FKBP9: variants seen among roughly 807,000 people sequenced by gnomAD.
The protein encoded by FKBP9 is peptidyl-prolyl cis-trans isomerase FKBP9.
FKBP9 carries 27 observed loss-of-function variants against 55.6 expected under a neutral mutation model. That is an observed-to-expected ratio of 0.49 (90% confidence interval 0.36 to 0.67). FKBP9 has a LOEUF of 0.67. Among genes scored for constraint, FKBP9 ranks in the 30% least tolerant of loss-of-function variants. FKBP9 has a pLI of 0.00. For synonymous variants in FKBP9, 267 were observed against 296.5 expected (o/e 0.90, Z 1.02); for missense variants, 539 against 742.8 (o/e 0.73, Z 3.19).
chr7:32,971,448 CCTTTCTTCCTTT>C (rs1042929730), intron 1 of FKBP9, among the ~76,000 whole-genome samples: 10 of 152,046 alleles, frequency 6.6e-5, no homozygotes, highest in Admixed American at 2.0e-4. Context: ...TTTCTTTCTT[CCTTTCTTCCTTT>C]CTTTCTTCCT....
At chr7:32,963,357 C>T (rs1202618790) in intron 1 of FKBP9, among the ~76,000 whole-genome samples, 5 of 151,746 alleles carry the variant, frequency 3.3e-5, no homozygotes, top group African/African-American at 1.2e-4. Context: ...TTTTTCATCC[C>T]ATGGATTCAA....
At chr7:32,970,036 GT>G (rs537430761) in intron 1 of FKBP9, among the ~76,000 whole-genome samples, 2,551 of 146,920 alleles carry the variant, frequency 0.017, 43 homozygotes, top group South Asian at 0.027. Flanking sequence ...TTTTAGTTTA[GT>G]TTTTTTTTTT....
In FKBP9 at chr7:32,974,671, A is replaced by G; in HGVS notation, c.276A>G (p.Thr92=). Residue 92 remains threonine (T), a synonymous_variant, in exon 2 of 10, where the codon ACA becomes ACG. Transcript: ENST00000242209. ...NVFVGKGQLI[T]GMDQALVGMC... The stretch of plus-strand genomic sequence containing the variant: ...TTGTGGGAAAAGGACAGCTGATCAC[A>G]GGGATGGACCAGGCTCTTGTTGGGA... 1 of 1,613,954 alleles carries G rather than the reference A, an allele frequency of 6.2e-7. No homozygotes were observed. Among genetic ancestry groups the G allele is most frequent in the Non-Finnish European group, 8.5e-7 (1 of 1,179,814 alleles).
In FKBP9 at chr7:33,005,122, C is replaced by T. The variant is rs554348876; in HGVS notation, c.1537-53C>T. On this transcript the variant is annotated intron_variant, in intron 9 of 9. Coordinates refer to ENST00000242209, the MANE Select transcript of FKBP9 (RefSeq NM_007270.5). The stretch of plus-strand genomic sequence containing the variant: ...GACTGCTCTGTTTCTGGCCCCAGGC[C>T]TGGCGTTCATGGCGGCTGAACTCAT... 130 of 1,589,856 alleles carry T rather than the reference C, an allele frequency of 8.2e-5. 2 individuals are homozygous for T. The South Asian group carries it at 1.5e-3, about 18-fold the overall frequency.
intron 2 of FKBP9, 108 bp downstream of exon 2, chr7:32,974,870 A>C: frequency 9.1e-7 from 1 of 1,093,140 alleles, no homozygotes; most frequent in South Asian, 1.6e-5. Flanking sequence ...AGATTGGGGG[A>C]AAATGAAAAG....
chr7:32,967,303 A>G (rs992426787), intron 1 of FKBP9, among the ~76,000 whole-genome samples: 3 of 152,208 alleles, frequency 2.0e-5, no homozygotes, highest in African/African-American at 7.2e-5. Flanking sequence ...CTATATTCAC[A>G]CTGTTGTGCA....
chr7:32,987,347 T>C (rs773838607), intron 5 of FKBP9, among the ~76,000 whole-genome samples: 8 of 151,686 alleles, frequency 5.3e-5, no homozygotes, highest in Non-Finnish European at 7.4e-5. Context: ...AATACAAAAA[T>C]GAGCCAGGCA....
chr7:32,990,896 G>T (rs1342608447), intron 6 of FKBP9, among the ~76,000 whole-genome samples: 2 of 150,944 alleles, frequency 1.3e-5, no homozygotes, highest in Non-Finnish European at 3.0e-5. Context: ...CGTCAAGTTG[G>T]TTGGAAGGTA....
At chr7:32,995,885 A>AAT (rs1341732814) in intron 6 of FKBP9, among the ~76,000 whole-genome samples, 4 of 152,186 alleles carry the variant, frequency 2.6e-5, no homozygotes, top group Non-Finnish European at 4.4e-5. Context: ...TCCATGGGGC[A>AAT]ATAGTCCATA....
chr7:32,980,437 C>A lies in FKBP9; in HGVS notation c.777C>A (p.Ser259Arg), dbSNP rs770966331. The A allele has an allele frequency of 1.9e-6, 3 of 1,613,782 alleles. No homozygotes were observed. The highest frequency in any genetic ancestry group is 1.3e-5 in the African/African-American group (1 of 74,980). Reference sequence around the variant, plus strand: ...TGGACCTCCATAACCCCAAGGACAGCATTTCCATTGAGAACAAGGTAGTAC... The same window carrying A: ...TGGACCTCCATAACCCCAAGGACAGAATTTCCATTGAGAACAAGGTAGTAC... ...ALLDLHNPKD[S>R]ISIENKVVPE... is the part of the protein sequence containing the mutation. Residue 259 changes from serine to arginine, a missense_variant, in exon 5 of 10, where the codon AGC becomes AGA. By Grantham distance (110) the Ser-to-Arg change is moderately radical. Around this residue, in one of 4 missense-constraint regions of FKBP9, gnomAD observed 172 missense variants for 205.3 expected, o/e 0.84. Coordinates refer to ENST00000242209, the MANE Select transcript of FKBP9 (RefSeq NM_007270.5).
At chr7:32,988,452 A>G (rs1166053770) in intron 5 of FKBP9, 55 bp from the exon 6 acceptor site, 1 of 1,591,490 alleles carries the variant, frequency 6.3e-7, no homozygotes, top group Non-Finnish European at 8.6e-7. Flanking sequence ...TAATTTGCAC[A>G]GCTGCTGTGG....
intron 9 of FKBP9, 26 bp from the exon 10 acceptor site, chr7:33,005,149 G>A (rs776170366): frequency 3.1e-6 from 5 of 1,607,462 alleles, no homozygotes; most frequent in Admixed American, 1.7e-5. Flanking sequence ...TGAACTCATG[G>A]TCTTTCCTGT....
chr7:33,005,408 C>G lies in FKBP9; in HGVS notation c.*57C>G. On this transcript the variant is annotated 3_prime_UTR_variant, in exon 10 of 10. Coordinates refer to ENST00000242209, the MANE Select transcript of FKBP9 (RefSeq NM_007270.5). ...ACGTGACACCAAGCCACCTGTGTGG[C>G]AAGACGTGCAGTGAGGGTGCAAGGG... 1 of 1,593,118 alleles carries G rather than the reference C, an allele frequency of 6.3e-7. No homozygotes were observed. Among genetic ancestry groups the G allele is most frequent in the South Asian group, 1.1e-5 (1 of 88,252 alleles).
intron 1 of FKBP9, among the ~76,000 whole-genome samples, chr7:32,964,278 T>C (rs867860013): frequency 3.3e-5 from 5 of 152,228 alleles, no homozygotes; most frequent in Middle Eastern, 3.2e-3. Context: ...TGAATTTTCA[T>C]TTGTGGGTCA....
In FKBP9 at chr7:32,975,369, G is replaced by A. The variant is rs140177604; in HGVS notation, c.555G>A (p.Ser185=). 1,291 of 1,613,274 alleles carry A rather than the reference G, an allele frequency of 8.0e-4. 1 individual carries two copies. Among genetic ancestry groups the A allele is most frequent in the Non-Finnish European group, 9.3e-4 (1,102 of 1,179,280 alleles). The part of the protein sequence containing the change: ...GTFLDGTLFD[S]SHNRMKTYDT... ...TCCTGGACGGAACTCTGTTTGATTCGAGGTAAGTCCTGTCGTTCATGGCAG... is the reference window on the plus strand; with the variant it reads ...TCCTGGACGGAACTCTGTTTGATTCAAGGTAAGTCCTGTCGTTCATGGCAG... Residue 185 remains serine (S), a splice_region_variant and synonymous_variant, in exon 3 of 10, where the codon TCG becomes TCA. Coordinates refer to ENST00000242209, the MANE Select transcript of FKBP9 (RefSeq NM_007270.5).
intron 1 of FKBP9, among the ~76,000 whole-genome samples, chr7:32,960,542 A>G (rs577700034): frequency 1.5e-4 from 23 of 152,310 alleles, no homozygotes; most frequent in African/African-American, 5.3e-4. Context: ...ATCTTCTTTC[A>G]TGTGCTTCTT....
At chr7:32,961,702 C>G (rs1400610130) in intron 1 of FKBP9, among the ~76,000 whole-genome samples, 1 of 151,922 alleles carries the variant, frequency 6.6e-6, no homozygotes, top group Admixed American at 6.6e-5. Flanking sequence ...TTGCTCACAT[C>G]ACTGCTTGAG....
chr7:32,993,306 A>G (rs1252540923), intron 6 of FKBP9, among the ~76,000 whole-genome samples: 1 of 152,160 alleles, frequency 6.6e-6, no homozygotes, highest in Non-Finnish European at 1.5e-5. Context: ...CATTACTATC[A>G]TCTACACTCA....
intron 7 of FKBP9, among the ~76,000 whole-genome samples, chr7:32,997,710 C>T (rs575281485): frequency 3.9e-5 from 6 of 152,262 alleles, no homozygotes; most frequent in South Asian, 2.1e-4. Flanking sequence ...CAAATGTAAT[C>T]CCAGCTACTC....
Sources: gnomAD v4.1 joint callset for allele counts (sites outside exome capture counted in the v4.1 genomes callset) on GRCh38, gnomAD v4.1.1 for gene constraint, gnomAD v4.1.1 regional missense constraint, MANE v1.5 for transcripts, NCBI Gene and HGNC (gene_info 2026-07-23, HGNC 2026-07-21) for gene names.